CHN1: variants seen among roughly 807,000 people sequenced by gnomAD.
CHN1 encodes N-chimaerin.
In CHN1, 37 loss-of-function variants were observed where a neutral mutation model predicts 59.5. The ratio of observed to expected loss-of-function variants is 0.62; its 90% CI spans 0.48 to 0.82. CHN1 has a LOEUF of 0.82. Among genes scored for constraint, CHN1 ranks in the 40% least tolerant of loss-of-function variants. The probability of loss-of-function intolerance (pLI) is 0.00; values close to 1 mark genes in which losing one functional copy is unlikely to be tolerated. For synonymous variants in CHN1, 206 were observed against 200.4 expected, an observed-to-expected ratio of 1.03 and a Z score of -0.24; for missense variants, 469 against 571.0, an observed-to-expected ratio of 0.82 and a Z score of 1.82.
chr2:174,998,161 G>C (rs949806897), intron 1 of CHN1, among the ~76,000 whole-genome samples: 7 of 151,464 alleles, frequency 4.6e-5, no homozygotes, highest in African/African-American at 1.7e-4. Flanking sequence ...AAATTAGCCA[G>C]GCATTGTGGC....
At chr2:174,810,990 C>T (rs964467006) in intron 10 of CHN1, 1 of 152,244 alleles carries the variant, frequency 6.6e-6, no homozygotes, top group Non-Finnish European at 1.5e-5. Context: ...TTTTCTTTGA[C>T]TGGGCCCCTT....
At chr2:174,813,307 A>G (rs2105385507) in intron 8 of CHN1, among the ~76,000 whole-genome samples, 1 of 152,338 alleles carries the variant, frequency 6.6e-6, no homozygotes, top group Non-Finnish European at 1.5e-5. Context: ...ATATAGCTGA[A>G]GAGACGTATA....
chr2:174,815,316 T>C (rs1364309945), intron 8 of CHN1, among the ~76,000 whole-genome samples: 1 of 152,048 alleles, frequency 6.6e-6, no homozygotes, highest in African/African-American at 2.4e-5. Flanking sequence ...TGGTCAAGGC[T>C]GCAGTGAGCT....
At chr2:174,861,923 T>C (rs1687080190) in intron 6 of CHN1, among the ~76,000 whole-genome samples, 4 of 152,188 alleles carry the variant, frequency 2.6e-5, no homozygotes, top group South Asian at 4.1e-4. Flanking sequence ...ATGAACATTT[T>C]TGGATAAATA....
At chr2:174,997,080 T>C (rs1691733057) in intron 1 of CHN1, among the ~76,000 whole-genome samples, 1 of 152,366 alleles carries the variant, frequency 6.6e-6, no homozygotes, top group Admixed American at 6.5e-5. Flanking sequence ...TATAAATTCC[T>C]TGATGGCAGG....
In CHN1 at chr2:174,860,646, A is replaced by C. The variant is rs546775596; in HGVS notation, c.550-13689T>G. On this transcript the variant is annotated intron_variant, in intron 6 of 12. Transcript: ENST00000409900. Reference sequence around the variant, plus strand: ...ACTATTTTACAAGGACCAAATATTAAATACATATTTAATAAATAAATTGTA... The same window carrying C: ...ACTATTTTACAAGGACCAAATATTACATACATATTTAATAAATAAATTGTA... 2.0e-5 allele frequency among the ~76,000 whole-genome samples: 3 copies of C among 152,318 alleles called. No individual in the cohort carries two copies. The East Asian group carries it at 5.8e-4, about 29-fold the overall frequency.
chr2:174,963,108 C>T (rs1690470576), intron 1 of CHN1, among the ~76,000 whole-genome samples: 1 of 151,984 alleles, frequency 6.6e-6, no homozygotes, highest in Non-Finnish European at 1.5e-5. Context: ...TTAAAATAAT[C>T]AGAAAGTTTC....
chr2:175,005,301 G>T lies in CHN1; in HGVS notation c.-389C>A. ...GGCGGCGACGGGGAGAGCAGCAGCA[G>T]CCTCGCACAGCCCCCGGCGGGGCGC... is the stretch of plus-strand genomic sequence containing the variant. On this transcript the variant is annotated 5_prime_UTR_variant, in exon 1 of 13. In the 5' UTR this introduces an upstream ATG that the reference lacks. Coordinates refer to ENST00000409900, the MANE Select transcript of CHN1 (RefSeq NM_001822.7). 1 of 1,196,594 alleles carries T rather than the reference G, an allele frequency of 8.4e-7. No homozygotes were observed. The highest frequency in any genetic ancestry group is 1.7e-5 in the South Asian group (1 of 59,884). The allele number at this position is 1,196,594 out of a possible 1,614,324, so 74.1% of individuals were successfully genotyped here.
At chr2:174,852,280 G>A (rs1279157535) in intron 6 of CHN1, among the ~76,000 whole-genome samples, 1 of 151,894 alleles carries the variant, frequency 6.6e-6, no homozygotes, top group Non-Finnish European at 1.5e-5. Context: ...CAGAGATTCT[G>A]TCTCAAAAAA....
At chr2:174,836,596 A>G (rs1283662029) in intron 7 of CHN1, among the ~76,000 whole-genome samples, 2 of 152,174 alleles carry the variant, frequency 1.3e-5, no homozygotes, top group African/African-American at 4.8e-5. Flanking sequence ...GTTCACTAAG[A>G]TCTTGCAATA....
chr2:174,936,417 T>C (rs866963767), intron 3 of CHN1, among the ~76,000 whole-genome samples: 1 of 152,184 alleles, frequency 6.6e-6, no homozygotes, highest in African/African-American at 2.4e-5. Context: ...CTGAATTAGA[T>C]AGATTTTATA....
At chr2:174,982,336 T>C (rs1394701546) in intron 1 of CHN1, among the ~76,000 whole-genome samples, 2 of 152,202 alleles carry the variant, frequency 1.3e-5, no homozygotes, top group Non-Finnish European at 2.9e-5. Context: ...CTGGGTCAAA[T>C]GGTATTTCTA....
At chr2:174,988,093 C>T (rs981793989) in intron 1 of CHN1, among the ~76,000 whole-genome samples, 4 of 152,160 alleles carry the variant, frequency 2.6e-5, no homozygotes, top group Non-Finnish European at 5.9e-5. Flanking sequence ...GGCGCGGTGG[C>T]TCACGCCTGT....
At chr2:174,919,085 G>A (rs1574164142) in intron 3 of CHN1, among the ~76,000 whole-genome samples, 1 of 152,114 alleles carries the variant, frequency 6.6e-6, no homozygotes, top group East Asian at 1.9e-4. Flanking sequence ...AAATGCCCAG[G>A]AATTTTCACA....
At chr2:174,873,517 G>A (rs1451294527) in intron 6 of CHN1, among the ~76,000 whole-genome samples, 1 of 152,128 alleles carries the variant, frequency 6.6e-6, no homozygotes, top group Non-Finnish European at 1.5e-5. Flanking sequence ...GCCTATATTT[G>A]AAGCAAAGTA....
chr2:174,823,714 G>A (rs1451981536), intron 8 of CHN1, among the ~76,000 whole-genome samples: 2 of 151,958 alleles, frequency 1.3e-5, no homozygotes, highest in Non-Finnish European at 2.9e-5. Flanking sequence ...CCAGTATTCA[G>A]TATAGTTGCT....
At chr2:175,004,006 AACTT>A (rs758160954) in intron 1 of CHN1, among the ~76,000 whole-genome samples, 6 of 152,266 alleles carry the variant, frequency 3.9e-5, no homozygotes, top group Non-Finnish European at 5.9e-5. Context: ...TATTGTGAAT[AACTT>A]ACTTAGGCTG....
intron 6 of CHN1, among the ~76,000 whole-genome samples, chr2:174,873,327 G>T (rs940052481): frequency 6.6e-6 from 1 of 152,114 alleles, no homozygotes; most frequent in Non-Finnish European, 1.5e-5. Flanking sequence ...CATAGCTTGA[G>T]CATGAACAAG....
intron 6 of CHN1, among the ~76,000 whole-genome samples, chr2:174,866,050 T>C (rs1034152228): frequency 2.0e-5 from 3 of 152,194 alleles, no homozygotes; most frequent in Non-Finnish European, 4.4e-5. Context: ...GTTGGTTATT[T>C]TTCTGTGTGT....
Sources: gnomAD v4.1 joint callset for allele counts (sites outside exome capture counted in the v4.1 genomes callset) on GRCh38, gnomAD v4.1.1 for gene constraint, MANE v1.5 for transcripts, NCBI Gene and HGNC (gene_info 2026-07-23, HGNC 2026-07-21) for gene names.